RCOR1: variants seen among roughly 807,000 people sequenced by gnomAD.
The protein encoded by RCOR1 is REST corepressor.
In RCOR1, 12 loss-of-function variants were observed where a neutral mutation model predicts 64.0. The ratio of observed to expected loss-of-function variants is 0.19; its 90% CI spans 0.12 to 0.30. The LOEUF (loss-of-function observed/expected upper bound fraction) is 0.30. Ranked by LOEUF, RCOR1 falls within the 10% of genes least tolerant of loss-of-function variation. RCOR1 has a pLI of 1.00. For synonymous variants in RCOR1, 279 were observed against 227.2 expected (o/e 1.23, Z -2.05); for missense variants, 502 against 621.2 (o/e 0.81, Z 2.04).
Position 102,698,376 on chromosome 14 carries a change from C to G in RCOR1, c.446-2902C>G, listed in dbSNP as rs185027241. Among the ~76,000 whole-genome samples, 664 of 152,302 alleles carry G rather than the reference C, an allele frequency of 4.4e-3. 3 individuals are homozygous for G. Among genetic ancestry groups the G allele is most frequent in the Admixed American group, 7.3e-3 (112 of 15,296 alleles). ...GGACTAGCCCCTGTGCTGGGCCACT[C>G]CAGGGACTCCTGCATCACTTTTTCA... On this transcript the variant is annotated intron_variant, in intron 3 of 11. Transcript: ENST00000262241.
At chr14:102,703,346 A>T (rs1895786172) in intron 4 of RCOR1, among the ~76,000 whole-genome samples, 1 of 152,244 alleles carries the variant, frequency 6.6e-6, no homozygotes, top group Non-Finnish European at 1.5e-5. Context: ...AGATGTGAAT[A>T]TAAACAAACA....
chr14:102,658,627 C>T (rs760350118), intron 2 of RCOR1: 387 of 985,308 alleles, frequency 3.9e-4, no homozygotes, highest in Middle Eastern at 5.2e-4. Context: ...TCAGACCCCT[C>T]ACTTGGGTTC....
intron 3 of RCOR1, among the ~76,000 whole-genome samples, chr14:102,695,774 C>T (rs1172537397): frequency 1.3e-5 from 2 of 149,446 alleles, no homozygotes; most frequent in African/African-American, 5.0e-5. Flanking sequence ...TGGTTTCGAA[C>T]TCCTGACCTT....
In RCOR1 at chr14:102,703,492, T is replaced by C. The variant is rs183684139; in HGVS notation, c.498+2162T>C. Among the ~76,000 whole-genome samples, 9 of 152,298 alleles carry C rather than the reference T, an allele frequency of 5.9e-5. 1 individual carries two copies. Among genetic ancestry groups the C allele is most frequent in the African/African-American group, 2.2e-4 (9 of 41,576 alleles). On this transcript the variant is annotated intron_variant, in intron 4 of 11. Transcript: ENST00000262241. ...CCTATTACATATAAGGGATCCTGAA[T>C]AAGCTTATTAGGGTATTTCTTGTCA...
In RCOR1 at chr14:102,722,328, A is replaced by G. The variant is rs756095659; in HGVS notation, c.1331A>G (p.His444Arg). 1.2e-6 allele frequency: 2 copies of G among 1,614,186 alleles called. No homozygotes were observed. Among genetic ancestry groups the G allele is most frequent in the Non-Finnish European group, 1.7e-6 (2 of 1,180,018 alleles). Residue 444 changes from histidine (H) to arginine (R), a missense_variant, in exon 11 of 12, where the codon CAT becomes CGT. His to Arg is a conservative substitution (Grantham distance 29, BLOSUM62 0). This residue lies in a region of RCOR1 where 260 missense variants were observed against 416.4 expected (regional missense o/e 0.62). Coordinates refer to ENST00000262241, the MANE Select transcript of RCOR1 (RefSeq NM_015156.4). ...DEVLQEWEAEHGKEETNGPSN... is the reference protein window; with the variant it reads ...DEVLQEWEAERGKEETNGPSN... Reference sequence around the variant, plus strand: ...GTTTTACAAGAATGGGAGGCAGAACATGGTAAAGAAGAGACCAATGGGCCC... The same window carrying G: ...GTTTTACAAGAATGGGAGGCAGAACGTGGTAAAGAAGAGACCAATGGGCCC...
intron 2 of RCOR1, among the ~76,000 whole-genome samples, chr14:102,663,855 A>G (rs2139942520): frequency 6.6e-6 from 1 of 152,374 alleles, no homozygotes. Flanking sequence ...TATTGATAAC[A>G]TGGAAGAAAA....
chr14:102,671,876 A>G (rs1171895741), intron 2 of RCOR1, among the ~76,000 whole-genome samples: 17 of 152,188 alleles, frequency 1.1e-4, no homozygotes, highest in Admixed American at 1.0e-3. Context: ...GCCTCTGGCA[A>G]TCACTAATCA....
chr14:102,597,315 A>G (rs1484227688), intron 2 of RCOR1, among the ~76,000 whole-genome samples: 2 of 151,844 alleles, frequency 1.3e-5, no homozygotes, highest in East Asian at 3.9e-4. Context: ...AGATGCATGA[A>G]TGGAGGAATT....
chr14:102,604,729 A>G (rs1893469662), intron 2 of RCOR1, among the ~76,000 whole-genome samples: 1 of 152,160 alleles, frequency 6.6e-6, no homozygotes, highest in African/African-American at 2.4e-5. Context: ...CTGATTTATA[A>G]GTATAATCAG....
intron 11 of RCOR1, among the ~76,000 whole-genome samples, chr14:102,725,742 A>G (rs1318683247): frequency 6.6e-6 from 1 of 151,870 alleles, no homozygotes; most frequent in South Asian, 2.1e-4. Context: ...CGCACGGCCA[A>G]TATTTCTTTT....
intron 2 of RCOR1, chr14:102,658,776 A>T (rs898426255): frequency 2.8e-6 from 1 of 352,290 alleles, no homozygotes; most frequent in African/African-American, 2.2e-5. Flanking sequence ...AGGTTACTGT[A>T]TGCATTGCAT....
At chr14:102,673,617 G>C (rs1055977069) in intron 2 of RCOR1, among the ~76,000 whole-genome samples, 1 of 149,992 alleles carries the variant, frequency 6.7e-6, no homozygotes, top group Non-Finnish European at 1.5e-5. Flanking sequence ...TTACAGGCGT[G>C]AGCCATGGCT....
chr14:102,663,146 T>C (rs1319444993), intron 2 of RCOR1, among the ~76,000 whole-genome samples: 1 of 152,218 alleles, frequency 6.6e-6, no homozygotes, highest in African/African-American at 2.4e-5. Flanking sequence ...GGATTTTCCC[T>C]GCACAAGTGC....
intron 2 of RCOR1, among the ~76,000 whole-genome samples, chr14:102,641,398 G>A (rs1250076375): frequency 5.3e-5 from 8 of 152,034 alleles, no homozygotes; most frequent in African/African-American, 1.9e-4. Context: ...CCAGGAGTTC[G>A]GGACCAACCT....
intron 2 of RCOR1, chr14:102,655,563 T>C (rs1894705574): frequency 1.2e-6 from 1 of 868,838 alleles, no homozygotes; most frequent in African/African-American, 1.8e-5. Flanking sequence ...AGCTCATATT[T>C]GTGAAAGTGT....
At chr14:102,676,399 T>C in intron 2 of RCOR1, among the ~76,000 whole-genome samples, 1 of 128,888 alleles carries the variant, frequency 7.8e-6, no homozygotes, top group African/African-American at 3.2e-5. Context: ...GCTCCTCACT[T>C]CCCAGTAGGG....
intron 8 of RCOR1, 95 bp downstream of exon 8, chr14:102,714,712 T>C: frequency 1.0e-6 from 1 of 981,132 alleles, no homozygotes; most frequent in South Asian, 2.0e-5. Context: ...TTTCCGCAAA[T>C]CTCAAAGGAG....
At chr14:102,707,734 C>T (rs887530966) in intron 5 of RCOR1, among the ~76,000 whole-genome samples, 1 of 142,330 alleles carries the variant, frequency 7.0e-6, no homozygotes, top group South Asian at 2.5e-4. Flanking sequence ...TGTGACTGGA[C>T]CCTCCCCACC....
At chr14:102,675,509 A>G (rs983036914) in intron 2 of RCOR1, among the ~76,000 whole-genome samples, 5 of 152,260 alleles carry the variant, frequency 3.3e-5, no homozygotes, top group South Asian at 2.1e-4. Flanking sequence ...AAATGCTGCG[A>G]TGCTATGACA....
Sources: gnomAD v4.1 joint callset for allele counts (sites outside exome capture counted in the v4.1 genomes callset) on GRCh38, gnomAD v4.1.1 for gene constraint, gnomAD v4.1.1 regional missense constraint, MANE v1.5 for transcripts, NCBI Gene and HGNC (gene_info 2026-07-23, HGNC 2026-07-21) for gene names.